DLC1: variants seen among roughly 807,000 people sequenced by gnomAD.
DLC1 encodes the protein rho GTPase-activating protein 7.
A neutral mutation model predicts 140.3 loss-of-function variants in DLC1; 54 were observed. That is an observed-to-expected ratio of 0.38 (90% CI 0.31 to 0.48). The LOEUF (loss-of-function observed/expected upper bound fraction) is 0.48, where lower values mean the gene tolerates loss of function less well. Ranked by LOEUF, DLC1 falls within the 20% of genes least tolerant of loss-of-function variation. The pLI is 0.96. For synonymous variants in DLC1, 986 were observed against 728.1 expected (o/e 1.35, Z -5.70); for missense variants, 2,536 against 1,907.0 (o/e 1.33, Z -6.14).
chr8:13,176,562 G>C (rs1825770279), intron 5 of DLC1, among the ~76,000 whole-genome samples: 1 of 152,154 alleles, frequency 6.6e-6, no homozygotes, highest in South Asian at 2.1e-4. Flanking sequence ...CTGGGCGACA[G>C]AGAGAGACTC....
At chr8:13,601,591 G>A (rs1805884815) in intron 1 of DLC1, among the ~76,000 whole-genome samples, 1 of 150,768 alleles carries the variant, frequency 6.6e-6, no homozygotes, top group Non-Finnish European at 1.5e-5. Context: ...TGGGATATGA[G>A]ATGGTAACTT....
chr8:13,103,329 A>C (rs992206466), intron 7 of DLC1, among the ~76,000 whole-genome samples: 4 of 150,726 alleles, frequency 2.7e-5, no homozygotes, highest in Non-Finnish European at 4.4e-5. Flanking sequence ...TAAATAAATA[A>C]ATAAATAAAT....
rs528367005 is a variant in DLC1 at position 13,099,530 on chromosome 8, G to A, written c.2807C>T (p.Ala936Val). 18 of 1,614,022 alleles carry A rather than the reference G, an allele frequency of 1.1e-5. No individual in the cohort carries two copies. Among genetic ancestry groups the A allele is most frequent in the Non-Finnish European group, 1.5e-5 (18 of 1,180,034 alleles). Reference protein sequence around the residue: ...KFSDEGDSDSALDSVSPCPSS... With the variant: ...KFSDEGDSDSVLDSVSPCPSS... ...CGGGCAGGGAGAGACCGAGTCCAGG[G>A]CTGAGTCCGAATCTCCCTCATCAGA... The change falls in exon 9 of 18, where the codon GCC becomes GTC. Residue 936 changes from alanine to valine, a missense_variant. By Grantham distance (64) the Ala-to-Val change is moderately conservative. Transcript: ENST00000276297.
At chr8:13,386,723 C>T (rs1836535423) in intron 4 of DLC1, among the ~76,000 whole-genome samples, 2 of 152,022 alleles carry the variant, frequency 1.3e-5, no homozygotes, top group Non-Finnish European at 2.9e-5. Context: ...TGAATGAAAT[C>T]CTCTGTGCTT....
At chr8:13,438,333 G>C (rs1839215109) in intron 2 of DLC1, among the ~76,000 whole-genome samples, 1 of 152,084 alleles carries the variant, frequency 6.6e-6, no homozygotes, top group Non-Finnish European at 1.5e-5. Context: ...TTAATCAATA[G>C]TATTTTTGTA....
intron 5 of DLC1, among the ~76,000 whole-genome samples, chr8:13,220,837 A>G (rs759378530): frequency 5.9e-5 from 9 of 152,318 alleles, no homozygotes; most frequent in Middle Eastern, 3.4e-3. Flanking sequence ...AGAATTGTCA[A>G]CTGTTCACAT....
chr8:13,185,292 G>GT (rs1554464360), intron 5 of DLC1, among the ~76,000 whole-genome samples: 63 of 114,166 alleles, frequency 5.5e-4, no homozygotes, highest in Non-Finnish European at 9.5e-4. Context: ...TGTTTTTTTT[G>GT]TTTGTTTGTT....
Position 13,148,985 on chromosome 8 carries a change from G to A in DLC1, c.1349-33328C>T, listed in dbSNP as rs144233251. 4.3e-3 allele frequency among the ~76,000 whole-genome samples: 651 copies of A among 152,128 alleles called. 3 individuals carry two copies. The highest frequency in any genetic ancestry group is 0.015 in the African/African-American group (622 of 41,500). On this transcript the variant is annotated intron_variant, in intron 5 of 17. Transcript: ENST00000276297. The stretch of plus-strand genomic sequence containing the variant: ...TTTTTTGTATTTTTAGTAGAGACAG[G>A]GTTTCTCCGTGTTAGCCAGGACGGT...
At chr8:13,346,536 A>G (rs1352544013) in intron 4 of DLC1, among the ~76,000 whole-genome samples, 1 of 152,190 alleles carries the variant, frequency 6.6e-6, no homozygotes, top group Non-Finnish European at 1.5e-5. Context: ...TCTATTTTAA[A>G]CCATCACATA....
intron 4 of DLC1, among the ~76,000 whole-genome samples, chr8:13,361,888 C>G (rs1167501811): frequency 6.6e-6 from 1 of 152,164 alleles, no homozygotes; most frequent in Non-Finnish European, 1.5e-5. Flanking sequence ...AGGTGCTGGG[C>G]ACTGGGCTAA....
chr8:13,338,150 A>G (rs1833884409), intron 4 of DLC1, among the ~76,000 whole-genome samples: 1 of 152,106 alleles, frequency 6.6e-6, no homozygotes, highest in African/African-American at 2.4e-5. Context: ...CTTGCTTTTG[A>G]CCTTAGATGG....
intron 1 of DLC1, among the ~76,000 whole-genome samples, chr8:13,549,002 A>G (rs959485039): frequency 6.6e-6 from 1 of 152,050 alleles, no homozygotes; most frequent in Non-Finnish European, 1.5e-5. Context: ...AAAATATAAG[A>G]CATTTATCTT....
chr8:13,185,286 T>C (rs1215390370), intron 5 of DLC1, among the ~76,000 whole-genome samples: 1 of 141,202 alleles, frequency 7.1e-6, no homozygotes, highest in Non-Finnish European at 1.5e-5. Flanking sequence ...CTTTTCTGTT[T>C]TTTTTGTTTG....
chr8:13,544,831 A>C (rs991845392), intron 1 of DLC1, among the ~76,000 whole-genome samples: 2 of 152,188 alleles, frequency 1.3e-5, no homozygotes, highest in African/African-American at 4.8e-5. Flanking sequence ...TTCACTTCCA[A>C]AATATGATTC....
intron 5 of DLC1, among the ~76,000 whole-genome samples, chr8:13,188,793 G>A (rs1227808841): frequency 1.2e-5 from 1 of 83,244 alleles, no homozygotes; most frequent in Non-Finnish European, 2.4e-5. Context: ...GTGTGTGTGT[G>A]TGTGTGTGTA....
chr8:13,412,436 C>G (rs1585062819), intron 2 of DLC1, among the ~76,000 whole-genome samples: 1 of 152,078 alleles, frequency 6.6e-6, no homozygotes, highest in South Asian at 2.1e-4. Context: ...CATGCAAAGA[C>G]AGTATAATCA....
Position 13,420,735 on chromosome 8 carries a change from A to G in DLC1, c.1024-19116T>C, listed in dbSNP as rs145491520. On this transcript the variant is annotated intron_variant, in intron 2 of 17. Transcript: ENST00000276297. Reference sequence around the variant, plus strand: ...CCATGTCCCTGCAAATCACATGAACACGTTCTTTTTTATGACTGCATAGTA... The same window carrying G: ...CCATGTCCCTGCAAATCACATGAACGCGTTCTTTTTTATGACTGCATAGTA... 1.8e-3 allele frequency among the ~76,000 whole-genome samples: 273 copies of G among 152,214 alleles called. 1 individual carries two copies. Among genetic ancestry groups the G allele is most frequent in the African/African-American group, 6.4e-3 (265 of 41,554 alleles).
At chr8:13,358,419 G>C (rs369361370) in intron 4 of DLC1, among the ~76,000 whole-genome samples, 1 of 152,134 alleles carries the variant, frequency 6.6e-6, no homozygotes, top group South Asian at 2.1e-4. Flanking sequence ...CCTTTGACTT[G>C]CATTTAGTCC....
intron 2 of DLC1, among the ~76,000 whole-genome samples, chr8:13,470,415 G>T (rs1401863852): frequency 7.2e-6 from 1 of 139,122 alleles, no homozygotes; most frequent in African/African-American, 2.4e-5. Flanking sequence ...GCCCCAAAGA[G>T]CCAAACCCCT....
Sources: gnomAD v4.1 joint callset for allele counts (sites outside exome capture counted in the v4.1 genomes callset) on GRCh38, gnomAD v4.1.1 for gene constraint, MANE v1.5 for transcripts, NCBI Gene and HGNC (gene_info 2026-07-23, HGNC 2026-07-21) for gene names.